LRP2: variants seen among roughly 807,000 people sequenced by gnomAD.
The protein encoded by LRP2 is low-density lipoprotein receptor-related protein 2.
LRP2 carries 172 observed loss-of-function variants against 531.0 expected under a neutral mutation model. That is an observed-to-expected ratio of 0.32 (90% CI 0.29 to 0.37). The LOEUF is 0.37. LRP2 is among the 10% of genes least tolerant of loss of function. LRP2 has a pLI of 1.00. For synonymous variants in LRP2, 1,992 were observed against 2,027.6 expected, an observed-to-expected ratio of 0.98 and a Z score of 0.47; for missense variants, 5,167 against 5,868.3, an observed-to-expected ratio of 0.88 and a Z score of 3.90.
In LRP2 at chr2:169,133,615, AG is replaced by A. The variant is rs371148803; in HGVS notation, c.13621-935del. On this transcript the variant is annotated intron_variant, in intron 76 of 78. Transcript: ENST00000649046. The stretch of plus-strand genomic sequence containing the variant: ...AGGAGCATTAGGTGTTAACAATGAC[AG>A]TTATTCATTGTCACTAAGGCCATAG... 3.9e-4 allele frequency among the ~76,000 whole-genome samples: 59 copies of A among 152,284 alleles called. No individual in the cohort carries two copies. The East Asian group carries it at 0.011, about 29-fold the overall frequency.
chr2:169,343,355 T>C (rs771666167), intron 1 of LRP2, among the ~76,000 whole-genome samples: 5 of 152,190 alleles, frequency 3.3e-5, no homozygotes, highest in Non-Finnish European at 7.4e-5. Flanking sequence ...AGCTGTATTT[T>C]TCCCCAGCAA....
intron 37 of LRP2, among the ~76,000 whole-genome samples, chr2:169,210,027 A>C (rs1688538848): frequency 6.6e-6 from 1 of 152,240 alleles, no homozygotes; most frequent in South Asian, 2.1e-4. Context: ...ACTGTAACAC[A>C]CTGAATTTAA....
At chr2:169,243,919 T>C (rs1249862528) in intron 22 of LRP2, among the ~76,000 whole-genome samples, 6 of 152,134 alleles carry the variant, frequency 3.9e-5, no homozygotes, top group South Asian at 4.1e-4. Context: ...CAACAGTGTG[T>C]AGACAGACCC....
At chr2:169,312,199 T>C (rs1684617895) in intron 3 of LRP2, among the ~76,000 whole-genome samples, 1 of 152,072 alleles carries the variant, frequency 6.6e-6, no homozygotes, top group African/African-American at 2.4e-5. Flanking sequence ...TTAGCCCATT[T>C]ACATTTAAGG....
At position 169,280,576 on chromosome 2, in the gene LRP2, T is replaced by C. The variant is rs910684266; in HGVS notation, c.1172-57A>G. 9.1e-6 allele frequency: 14 copies of C among 1,541,168 alleles called. No individual in the cohort carries two copies. In the South Asian group the frequency reaches 1.4e-4, roughly 15 times the overall value. On this transcript the variant is annotated intron_variant, in intron 10 of 78. Transcript: ENST00000649046. ...CTTCAGATGAGCAAGGATGGTGAAG[T>C]AGCTTACAAATGATATGCTTTCTGC...
intron 9 of LRP2, among the ~76,000 whole-genome samples, 154 bp downstream of exon 9, chr2:169,288,872 C>T (rs1683926455): frequency 6.6e-6 from 1 of 152,146 alleles, no homozygotes; most frequent in Non-Finnish European, 1.5e-5. Flanking sequence ...TTAAAATTCC[C>T]TATTTGCCAG....
chr2:169,199,717 CTCT>C (rs1688130288), intron 44 of LRP2, among the ~76,000 whole-genome samples: 1 of 152,054 alleles, frequency 6.6e-6, no homozygotes, highest in African/African-American at 2.4e-5. Context: ...GACTGCATAT[CTCT>C]AGTGGGACAT....
chr2:169,261,742 T>C (rs1690563526), intron 16 of LRP2, among the ~76,000 whole-genome samples: 1 of 152,228 alleles, frequency 6.6e-6, no homozygotes, highest in Admixed American at 6.5e-5. Flanking sequence ...TAACTCATTT[T>C]ATGAGGCCAG....
At chr2:169,185,070 T>A (rs931489040) in intron 50 of LRP2, among the ~76,000 whole-genome samples, 2 of 152,118 alleles carry the variant, frequency 1.3e-5, no homozygotes, top group Non-Finnish European at 2.9e-5. Context: ...CAATGACAAG[T>A]ATTGTAAGCA....
intron 13 of LRP2, among the ~76,000 whole-genome samples, chr2:169,276,809 T>C (rs1683567028): frequency 6.6e-6 from 1 of 152,174 alleles, no homozygotes; most frequent in Non-Finnish European, 1.5e-5. Flanking sequence ...TTTTACCCAA[T>C]TTTTGAAAAT....
Position 169,291,017 on chromosome 2 carries a change from G to C in LRP2, c.770-20C>G, listed in dbSNP as rs1184805548. Reference sequence around the variant, plus strand: ...CGCTTTCTGTGGGGGGAAAAAGAGAGAGTTACAGGCCATAGGGGAGGTACA... The same window carrying C: ...CGCTTTCTGTGGGGGGAAAAAGAGACAGTTACAGGCCATAGGGGAGGTACA... On this transcript the variant is annotated intron_variant, in intron 7 of 78. Transcript: ENST00000649046. The C allele has an allele frequency of 6.8e-6, 11 of 1,613,244 alleles. No individual in the cohort carries two copies. The highest frequency in any genetic ancestry group is 9.3e-6 in the Non-Finnish European group (11 of 1,179,462).
chr2:169,289,196 C>T (rs766389199), intron 8 of LRP2, 51 bp from the exon 9 acceptor site: 60 of 1,609,476 alleles, frequency 3.7e-5, no homozygotes, highest in African/African-American at 8.0e-5. Flanking sequence ...CTGGACAAGA[C>T]TGATTAATCT....
intron 1 of LRP2, among the ~76,000 whole-genome samples, chr2:169,323,835 G>A (rs1684968241): frequency 1.6e-5 from 2 of 126,124 alleles, no homozygotes; most frequent in South Asian, 3.0e-4. Flanking sequence ...AGCCTCTCTG[G>A]TTTGGGGGCT....
At chr2:169,352,620 G>C (rs1316299303) in intron 1 of LRP2, among the ~76,000 whole-genome samples, 4 of 152,078 alleles carry the variant, frequency 2.6e-5, no homozygotes, top group Non-Finnish European at 5.9e-5. Flanking sequence ...TATCACTGAT[G>C]GGCATTTGGG....
chr2:169,268,241 T>A (rs866055014), intron 16 of LRP2, among the ~76,000 whole-genome samples: 16 of 152,142 alleles, frequency 1.1e-4, no homozygotes, highest in Middle Eastern at 3.2e-3. Context: ...GAGGGAATCA[T>A]CCCTAATTCA....
At chr2:169,138,041 A>AT (rs1203074715) in intron 75 of LRP2, among the ~76,000 whole-genome samples, 1 of 152,086 alleles carries the variant, frequency 6.6e-6, no homozygotes, top group African/African-American at 2.4e-5. Flanking sequence ...AGGAGGTATT[A>AT]TTTTACCTGT....
chr2:169,327,151 G>A (rs1297669428), intron 1 of LRP2, among the ~76,000 whole-genome samples: 42 of 136,350 alleles, frequency 3.1e-4, no homozygotes, highest in African/African-American at 7.4e-4. Context: ...TCAGCCCCCC[G>A]CCCGGCCAGC....
At chr2:169,151,113 T>C in intron 67 of LRP2, 87 bp from the exon 68 acceptor site, 2 of 1,431,022 alleles carry the variant, frequency 1.4e-6, no homozygotes, top group Non-Finnish European at 2.0e-6. Context: ...AGCATTTCGT[T>C]TGGCTGGTGA....
intron 14 of LRP2, among the ~76,000 whole-genome samples, chr2:169,273,498 A>G (rs62173978): frequency 0.025 from 3,779 of 152,294 alleles, 60 homozygotes; most frequent in Non-Finnish European, 0.036. Flanking sequence ...GGTAAGTATT[A>G]GTCCTCCAAT....
Sources: allele counts gnomAD v4.1 joint callset (sites outside exome capture counted in the v4.1 genomes callset), GRCh38; gene constraint gnomAD v4.1.1; transcripts MANE v1.5; gene names NCBI Gene and HGNC (gene_info 2026-07-23, HGNC 2026-07-21).